Variants in VAV3 observed in about 807,000 individuals in gnomAD.
VAV3 encodes the protein vav guanine nucleotide exchange factor 3.
In VAV3, 94 loss-of-function variants were observed where a neutral mutation model predicts 131.2. The ratio of observed to expected loss-of-function variants is 0.72; its 90% CI spans 0.61 to 0.85. The LOEUF is 0.85. Ranked by LOEUF, VAV3 falls within the 40% of genes least tolerant of loss-of-function variation. The probability of loss-of-function intolerance (pLI) is 0.00; values close to 1 mark genes in which losing one functional copy is unlikely to be tolerated. For synonymous variants in VAV3, 349 were observed against 342.0 expected, an observed-to-expected ratio of 1.02 and a Z score of -0.22; for missense variants, 939 against 1,002.7, an observed-to-expected ratio of 0.94 and a Z score of 0.86.
At chr1:107,721,338 A>C (rs1197141196) in intron 15 of VAV3, among the ~76,000 whole-genome samples, 1 of 152,214 alleles carries the variant, frequency 6.6e-6, no homozygotes, top group African/African-American at 2.4e-5. Context: ...TGTTCAGAGC[A>C]GAGCAGGAGC....
intron 13 of VAV3, 36 bp downstream of exon 13, chr1:107,751,081 T>C (rs563978011): frequency 7.6e-6 from 12 of 1,579,514 alleles, no homozygotes; most frequent in African/African-American, 5.4e-5. Context: ...CTGACACTAA[T>C]TACTTATTTT....
At chr1:107,903,450 C>T (rs867693015) in intron 1 of VAV3, among the ~76,000 whole-genome samples, 1 of 152,106 alleles carries the variant, frequency 6.6e-6, no homozygotes, top group Non-Finnish European at 1.5e-5. Context: ...AATATGAGGG[C>T]TGTGGCAGCA....
intron 20 of VAV3, among the ~76,000 whole-genome samples, chr1:107,618,600 C>T (rs1050610694): frequency 6.6e-6 from 1 of 152,152 alleles, no homozygotes; most frequent in Non-Finnish European, 1.5e-5. Context: ...AGACACTGCT[C>T]TGAGTGTTTT....
chr1:107,895,088 G>A (rs1029835495), intron 1 of VAV3, among the ~76,000 whole-genome samples: 2 of 152,024 alleles, frequency 1.3e-5, no homozygotes, highest in Admixed American at 1.3e-4. Context: ...GGAAGGGACT[G>A]AGTTTCTTGT....
At chr1:107,822,276 G>A (rs1162343904) in intron 2 of VAV3, among the ~76,000 whole-genome samples, 4 of 152,098 alleles carry the variant, frequency 2.6e-5, no homozygotes, top group Admixed American at 6.5e-5. Context: ...ATGGTGAAGG[G>A]AAGGCAAAGG....
In VAV3 at chr1:107,722,206, C is replaced by T. The variant is rs371067950; in HGVS notation, c.1503-17145G>A. Among the ~76,000 whole-genome samples, 5 of 152,182 alleles carry T rather than the reference C, an allele frequency of 3.3e-5. No individual in the cohort carries two copies. The South Asian group carries it at 1.0e-3, about 32-fold the overall frequency. ...CACTGTGATGTATTAGATTGATCCT[C>T]TATTCCTGCCTTTCTGCTGAATGTT... On this transcript the variant is annotated intron_variant, in intron 15 of 26. Coordinates refer to ENST00000370056, the MANE Select transcript of VAV3 (RefSeq NM_006113.5).
At chr1:107,781,308 T>C (rs1665676485) in intron 2 of VAV3, among the ~76,000 whole-genome samples, 2 of 152,156 alleles carry the variant, frequency 1.3e-5, no homozygotes, top group South Asian at 4.1e-4. Context: ...AATAAAGTTA[T>C]TATACAAAGA....
At chr1:107,681,864 G>A (rs903507219) in intron 19 of VAV3, among the ~76,000 whole-genome samples, 2 of 151,932 alleles carry the variant, frequency 1.3e-5, no homozygotes, top group Admixed American at 6.6e-5. Context: ...GTTTCACCGT[G>A]TTAGCCAGGA....
chr1:107,865,156 G>A (rs1183428410), intron 2 of VAV3, among the ~76,000 whole-genome samples: 7 of 152,196 alleles, frequency 4.6e-5, no homozygotes, highest in Non-Finnish European at 7.3e-5. Context: ...GCAGGGTAGG[G>A]TGAAAGTCAG....
At chr1:107,911,361 T>C (rs1047633132) in intron 1 of VAV3, among the ~76,000 whole-genome samples, 15 of 152,130 alleles carry the variant, frequency 9.9e-5, no homozygotes, top group East Asian at 3.9e-4. Context: ...GACAAAGAAA[T>C]TATGAGTTCA....
rs567890302 is a variant in VAV3, at chr1:107,739,652, C to A, written c.1502+9316G>T. On this transcript the variant is annotated intron_variant, in intron 15 of 26. Coordinates refer to ENST00000370056, the MANE Select transcript of VAV3 (RefSeq NM_006113.5). ...GAGGTTTTTAGAGAAAATAATTTCT[C>A]AACAAAAAACAATCCAAAAGGGCTG... Among the ~76,000 whole-genome samples the A allele has an allele frequency of 1.7e-3, 261 of 152,078 alleles. 2 individuals are homozygous for A. Among genetic ancestry groups the A allele is most frequent in the Non-Finnish European group, 2.3e-3 (156 of 68,002 alleles).
At chr1:107,691,821 A>G (rs2101786809) in intron 17 of VAV3, among the ~76,000 whole-genome samples, 1 of 152,298 alleles carries the variant, frequency 6.6e-6, no homozygotes, top group South Asian at 2.1e-4. Flanking sequence ...GAGCCTTTGC[A>G]GAACTCCATC....
intron 2 of VAV3, among the ~76,000 whole-genome samples, chr1:107,826,160 C>G (rs923427078): frequency 2.6e-5 from 4 of 152,130 alleles, no homozygotes; most frequent in African/African-American, 9.7e-5. Context: ...CTACTACTTA[C>G]CAAATACTGC....
intron 1 of VAV3, among the ~76,000 whole-genome samples, chr1:107,943,734 C>G (rs1674111364): frequency 6.6e-6 from 1 of 152,200 alleles, no homozygotes; most frequent in Non-Finnish European, 1.5e-5. Flanking sequence ...GAGCGAGACT[C>G]CGTCTCAAAA....
chr1:107,808,334 T>G (rs1667160095), intron 2 of VAV3, among the ~76,000 whole-genome samples: 1 of 152,130 alleles, frequency 6.6e-6, no homozygotes, highest in South Asian at 2.1e-4. Flanking sequence ...GAAATGTGAT[T>G]AGGAAAGATA....
intron 15 of VAV3, among the ~76,000 whole-genome samples, chr1:107,738,485 C>A (rs1272795644): frequency 6.6e-6 from 1 of 152,192 alleles, no homozygotes; most frequent in East Asian, 1.9e-4. Flanking sequence ...ATGCACAATA[C>A]ATAGTCTTAT....
intron 2 of VAV3, among the ~76,000 whole-genome samples, chr1:107,858,245 A>C (rs1447614046): frequency 6.6e-6 from 1 of 152,222 alleles, no homozygotes; most frequent in Non-Finnish European, 1.5e-5. Flanking sequence ...CTAAGATTAA[A>C]AATGTGATCT....
chr1:107,824,430 T>C (rs554885106), intron 2 of VAV3, among the ~76,000 whole-genome samples: 1 of 152,256 alleles, frequency 6.6e-6, no homozygotes, highest in Non-Finnish European at 1.5e-5. Flanking sequence ...ATACGGAGGT[T>C]CAAATGGATA....
intron 19 of VAV3, among the ~76,000 whole-genome samples, chr1:107,656,690 C>G (rs905839287): frequency 6.6e-6 from 1 of 151,976 alleles, no homozygotes; most frequent in African/African-American, 2.4e-5. Flanking sequence ...ATCAGTGTAT[C>G]AAATTATTGC....
Sources: gnomAD v4.1 joint callset for allele counts (sites outside exome capture counted in the v4.1 genomes callset) on GRCh38, gnomAD v4.1.1 for gene constraint, MANE v1.5 for transcripts, NCBI Gene and HGNC (gene_info 2026-07-23, HGNC 2026-07-21) for gene names.